The following RPTOR variants were observed in gnomAD, a reference collection of about 807,000 sequenced individuals.
RPTOR encodes the protein regulatory-associated protein of mTOR.
Under a neutral mutation model 169.9 loss-of-function variants are expected in RPTOR, and 21 were observed. The observed-to-expected ratio is 0.12, with a 90% confidence interval of 0.09 to 0.18. The LOEUF is 0.18. Among genes scored for constraint, RPTOR ranks in the 10% least tolerant of loss-of-function variants. The probability of loss-of-function intolerance (pLI) is 1.00; values close to 1 mark genes in which losing one functional copy is unlikely to be tolerated. For synonymous variants in RPTOR, 732 were observed against 753.2 expected (o/e 0.97, Z 0.46); for missense variants, 1,133 against 1,855.9 (o/e 0.61, Z 7.16).
intron 10 of RPTOR, among the ~76,000 whole-genome samples, chr17:80,840,322 A>G (rs889494076): frequency 1.3e-5 from 2 of 148,816 alleles, no homozygotes; most frequent in South Asian, 2.1e-4. Context: ...ACGGCAGCTC[A>G]CTCTCACCGC....
intron 3 of RPTOR, among the ~76,000 whole-genome samples, chr17:80,686,753 C>G (rs1052784026): frequency 2.6e-5 from 4 of 152,130 alleles, no homozygotes; most frequent in Non-Finnish European, 5.9e-5. Flanking sequence ...ACAAAATCAG[C>G]TTTGTGAGAG....
chr17:80,828,209 G>A (rs954717144), intron 9 of RPTOR, among the ~76,000 whole-genome samples: 1 of 152,204 alleles, frequency 6.6e-6, no homozygotes, highest in Admixed American at 6.5e-5. Context: ...GTCTGATCAG[G>A]CAGAGACGAG....
chr17:80,600,989 C>G (rs1019872951), intron 1 of RPTOR, among the ~76,000 whole-genome samples: 4 of 152,102 alleles, frequency 2.6e-5, no homozygotes, highest in Non-Finnish European at 4.4e-5. Context: ...AGTTGCTGTT[C>G]TTTCCCTTGG....
At chr17:80,876,169 C>A (rs2068109654) in intron 13 of RPTOR, among the ~76,000 whole-genome samples, 1 of 129,844 alleles carries the variant, frequency 7.7e-6, no homozygotes. Context: ...GAGCCCGTGC[C>A]ACGCAGGGTG....
intron 5 of RPTOR, among the ~76,000 whole-genome samples, chr17:80,732,438 A>T (rs1052099559): frequency 6.6e-6 from 1 of 152,194 alleles, no homozygotes; most frequent in Non-Finnish European, 1.5e-5. Context: ...GTTGCCAGGG[A>T]TTAATCAGCC....
At chr17:80,922,575 G>C (rs1474612408) in intron 21 of RPTOR, 149 bp from the exon 22 acceptor site, 17 of 689,082 alleles carry the variant, frequency 2.5e-5, no homozygotes, top group East Asian at 8.2e-5. Context: ...GGGGGATCCA[G>C]CTGGGGCCTT....
intron 1 of RPTOR, among the ~76,000 whole-genome samples, chr17:80,587,808 C>G (rs1284610261): frequency 2.0e-5 from 3 of 151,168 alleles, no homozygotes; most frequent in African/African-American, 7.3e-5. Context: ...CATTTGCAAT[C>G]TCTTTGCAAT....
intron 2 of RPTOR, among the ~76,000 whole-genome samples, chr17:80,636,329 C>T (rs561763388): frequency 7.2e-5 from 11 of 152,292 alleles, no homozygotes; most frequent in African/African-American, 2.6e-4. Context: ...TCAAGCATCC[C>T]GACCCCTGCA....
intron 3 of RPTOR, among the ~76,000 whole-genome samples, chr17:80,669,546 G>A (rs1366875535): frequency 3.3e-5 from 5 of 152,154 alleles, no homozygotes; most frequent in African/African-American, 9.7e-5. Context: ...CACCATGCCC[G>A]GCTAATTTTG....
intron 1 of RPTOR, among the ~76,000 whole-genome samples, chr17:80,577,256 C>T (rs1262583038): frequency 6.6e-6 from 1 of 152,048 alleles, no homozygotes; most frequent in African/African-American, 2.4e-5. Context: ...TCTTGAACTC[C>T]TGACCTCAGG....
rs35926934 is a variant in RPTOR, at chr17:80,746,202, G to A, written c.655-7808G>A. ...AAGTGCAGTGCAGGTGATCCCCACC[G>A]CCCCCACAGCGGTGCTTTCTGCGGG... is the stretch of plus-strand genomic sequence containing the variant. On this transcript the variant is annotated intron_variant, in intron 5 of 33. Transcript: ENST00000306801. This position sits in a 1 kb window ranked among gnomAD's most constrained non-coding sequence, Gnocchi z 4.5. Among the ~76,000 whole-genome samples, 15,771 of 122,942 alleles carry A rather than the reference G, an allele frequency of 0.13. 1,977 individuals are homozygous for A. The highest frequency in any genetic ancestry group is 0.25 in the African/African-American group (8,159 of 32,120). 80.7% of individuals were successfully genotyped at this position (122,942 alleles called of 152,430 possible). A position where few individuals can be genotyped will look rare whatever the true frequency, so the allele number is the denominator to read the frequency against.
At chr17:80,901,696 G>A (rs1327926941) in intron 20 of RPTOR, among the ~76,000 whole-genome samples, 1 of 152,130 alleles carries the variant, frequency 6.6e-6, no homozygotes, top group Non-Finnish European at 1.5e-5. Flanking sequence ...AGTGAAGATT[G>A]CAGAGGCTTT....
intron 6 of RPTOR, among the ~76,000 whole-genome samples, chr17:80,786,669 G>A (rs768928090): frequency 7.9e-5 from 12 of 152,214 alleles, no homozygotes; most frequent in Admixed American, 3.9e-4. Flanking sequence ...TGCCTTGCTT[G>A]AGCCCAGTTC....
chr17:80,657,537 A>G (rs564569408), intron 3 of RPTOR, among the ~76,000 whole-genome samples: 1 of 152,052 alleles, frequency 6.6e-6, no homozygotes, highest in East Asian at 1.9e-4. Context: ...TGTTGCTTTC[A>G]TATTCCCAGA....
intron 29 of RPTOR, among the ~76,000 whole-genome samples, chr17:80,958,405 C>CTTTTTTT (rs34955105): frequency 0.012 from 966 of 83,644 alleles, 130 homozygotes; most frequent in African/African-American, 0.049. Context: ...ATTTTTGTTT[C>CTTTTTTT]TTTTTTTTTT....
chr17:80,736,756 T>C (rs777546833), intron 5 of RPTOR, among the ~76,000 whole-genome samples: 1 of 152,194 alleles, frequency 6.6e-6, no homozygotes, highest in Non-Finnish European at 1.5e-5. Context: ...ATACCATCAG[T>C]TAGTTCTTTG....
At chr17:80,923,694 G>T in intron 23 of RPTOR, 21 bp downstream of exon 23, 2 of 1,559,516 alleles carry the variant, frequency 1.3e-6, no homozygotes, top group South Asian at 2.4e-5. Flanking sequence ...CCGGCTGCCT[G>T]GTGATCTGGA....
chr17:80,713,242 AT>A (rs917903874), intron 4 of RPTOR, among the ~76,000 whole-genome samples: 3 of 151,624 alleles, frequency 2.0e-5, no homozygotes, highest in Admixed American at 6.6e-5. Flanking sequence ...CTAATTTTGT[AT>A]TTTTTTTAGT....
intron 2 of RPTOR, among the ~76,000 whole-genome samples, chr17:80,638,593 G>A (rs890784782): frequency 2.0e-5 from 3 of 151,720 alleles, no homozygotes; most frequent in Non-Finnish European, 4.4e-5. Context: ...TGTAGAGACG[G>A]GGTCTCATTT....
Sources: gnomAD v4.1 joint callset for allele counts (sites outside exome capture counted in the v4.1 genomes callset) on GRCh38, gnomAD v4.1.1 for gene constraint, Gnocchi (gnomAD v3.1) non-coding constraint, MANE v1.5 for transcripts, NCBI Gene and HGNC (gene_info 2026-07-23, HGNC 2026-07-21) for gene names.